The following SDK1 variants were observed in gnomAD, a reference collection of about 807,000 sequenced individuals.
The protein encoded by SDK1 is sidekick cell adhesion molecule 1.
In SDK1, 157 loss-of-function variants were observed where a neutral mutation model predicts 245.5. The ratio of observed to expected loss-of-function variants is 0.64; its 90% confidence interval spans 0.56 to 0.73. The LOEUF is 0.73. Ranked by LOEUF, SDK1 falls within the 30% of genes least tolerant of loss-of-function variation. SDK1 has a pLI of 0.00. For missense variants in SDK1, 3,583 were observed against 3,002.3 expected (o/e 1.19, Z -4.52); for synonymous variants, 1,647 against 1,278.5 (o/e 1.29, Z -6.15).
chr7:4,074,998 C>T (rs1028446509), intron 20 of SDK1, among the ~76,000 whole-genome samples: 9 of 149,508 alleles, frequency 6.0e-5, no homozygotes, highest in African/African-American at 1.7e-4. Flanking sequence ...CGGCCTTCTC[C>T]CCTCTCCCTG....
intron 4 of SDK1, among the ~76,000 whole-genome samples, chr7:3,665,466 G>C (rs1783495666): frequency 6.6e-6 from 1 of 151,882 alleles, no homozygotes; most frequent in Admixed American, 6.6e-5. Context: ...ATTGATTTTT[G>C]TTCACCTTTG....
At chr7:3,348,920 T>G (rs1780580626) in intron 1 of SDK1, among the ~76,000 whole-genome samples, 1 of 152,180 alleles carries the variant, frequency 6.6e-6, no homozygotes, top group African/African-American at 2.4e-5. Flanking sequence ...AAGCTGCCTG[T>G]CACATGAAAG....
intron 1 of SDK1, among the ~76,000 whole-genome samples, chr7:3,493,109 C>A (rs924346439): frequency 3.9e-5 from 6 of 152,076 alleles, no homozygotes; most frequent in Non-Finnish European, 7.4e-5. Context: ...CGCCACCAAG[C>A]CTGGCTAATT....
chr7:4,146,114 C>T (rs1296157028), intron 29 of SDK1, among the ~76,000 whole-genome samples, 198 bp downstream of exon 29: 4 of 143,222 alleles, frequency 2.8e-5, no homozygotes, highest in Non-Finnish European at 6.5e-5. Context: ...GCATTCACAC[C>T]TTCAGCCTCA....
chr7:3,362,382 C>T (rs887964772), intron 1 of SDK1, among the ~76,000 whole-genome samples: 4 of 151,980 alleles, frequency 2.6e-5, no homozygotes. Flanking sequence ...TTTTTGTTAT[C>T]GTGGTGATCT....
intron 40 of SDK1, 67 bp from the exon 41 acceptor site, chr7:4,233,188 G>A (rs988774027): frequency 3.3e-6 from 5 of 1,502,738 alleles, no homozygotes; most frequent in Non-Finnish European, 4.6e-6. Context: ...CCAGGCAGGT[G>A]CATGGGGCTC....
At chr7:3,718,367 T>C (rs1014828707) in intron 4 of SDK1, among the ~76,000 whole-genome samples, 1 of 151,306 alleles carries the variant, frequency 6.6e-6, no homozygotes, top group Non-Finnish European at 1.5e-5. Context: ...ATTGGCCAGC[T>C]GTGGTGCCAG....
rs1788369690 is a variant in SDK1, at chr7:4,265,035, A to C, written c.6382-89A>C. 4.6e-6 allele frequency: 7 copies of C among 1,526,746 alleles called. No homozygotes were observed. The South Asian group carries it at 7.3e-5, about 16-fold the overall frequency. 94.6% of individuals were successfully genotyped at this position (1,526,746 alleles called of 1,614,324 possible). On this transcript the variant is annotated intron_variant, in intron 44 of 44. Transcript: ENST00000404826. ...GAGACCGCGACACACGCCCCTGGGG[A>C]GGTGCCCCCACCGCCAGGCCTCCTG... is the stretch of plus-strand genomic sequence containing the variant.
intron 1 of SDK1, among the ~76,000 whole-genome samples, chr7:3,470,450 C>A (rs1330222984): frequency 1.3e-5 from 2 of 152,086 alleles, no homozygotes; most frequent in Non-Finnish European, 2.9e-5. Context: ...ATTTTTGATA[C>A]ACTATTTTGA....
intron 32 of SDK1, among the ~76,000 whole-genome samples, chr7:4,173,076 G>A (rs572205234): frequency 1.3e-5 from 2 of 152,362 alleles, no homozygotes; most frequent in East Asian, 1.9e-4. Flanking sequence ...TCCGCCCAGG[G>A]AGCAGGATGG....
At chr7:3,690,949 C>A (rs1015204665) in intron 4 of SDK1, among the ~76,000 whole-genome samples, 1 of 152,170 alleles carries the variant, frequency 6.6e-6, no homozygotes, top group African/African-American at 2.4e-5. Context: ...CTAATGTTTC[C>A]TTCCAGGACT....
intron 14 of SDK1, among the ~76,000 whole-genome samples, chr7:4,010,195 G>T (rs1461912278): frequency 4.6e-5 from 7 of 152,250 alleles, no homozygotes; most frequent in Non-Finnish European, 1.0e-4. Flanking sequence ...ACCGACAGCG[G>T]ATGCTGGAAG....
At chr7:3,958,693 C>T (rs987898325) in intron 7 of SDK1, among the ~76,000 whole-genome samples, 1 of 152,154 alleles carries the variant, frequency 6.6e-6, no homozygotes, top group African/African-American at 2.4e-5. Context: ...TTCCATGATT[C>T]AAGCCCATAA....
intron 40 of SDK1, among the ~76,000 whole-genome samples, chr7:4,230,298 A>G (rs922420732): frequency 6.7e-6 from 1 of 150,266 alleles, no homozygotes; most frequent in Non-Finnish European, 1.5e-5. Context: ...TGGATGGATG[A>G]ATGAATTGAT....
chr7:3,806,351 T>TGTCCACATTAGGATGTGGAC (rs1779245778), intron 4 of SDK1, among the ~76,000 whole-genome samples: 1 of 114,702 alleles, frequency 8.7e-6, no homozygotes, highest in African/African-American at 6.7e-5. Flanking sequence ...AGGATGTGGA[T>TGTCCACATTAGGATGTGGAC]GTCCACATTA....
At chr7:4,143,456 C>G (rs1779718519) in intron 28 of SDK1, among the ~76,000 whole-genome samples, 1 of 152,166 alleles carries the variant, frequency 6.6e-6, no homozygotes, top group African/African-American at 2.4e-5. Flanking sequence ...CAGAGCCCTC[C>G]TGGCACCCCG....
intron 17 of SDK1, among the ~76,000 whole-genome samples, chr7:4,046,215 T>C (rs1005524049): frequency 6.6e-6 from 1 of 152,140 alleles, no homozygotes; most frequent in East Asian, 1.9e-4. Flanking sequence ...GTTCTGGCAT[T>C]CCAGCCGTGA....
chr7:4,072,305 G>C (rs749522844), intron 20 of SDK1, among the ~76,000 whole-genome samples: 2 of 152,150 alleles, frequency 1.3e-5, no homozygotes, highest in Admixed American at 6.5e-5. Context: ...GGTTCCTCTC[G>C]GCAGCCACGT....
chr7:3,765,669 T>C (rs1780233096), intron 4 of SDK1, among the ~76,000 whole-genome samples: 1 of 152,250 alleles, frequency 6.6e-6, no homozygotes, highest in South Asian at 2.1e-4. Flanking sequence ...TTCATTATGC[T>C]TTCAGTGTAG....
Sources: gnomAD v4.1 joint callset for allele counts (sites outside exome capture counted in the v4.1 genomes callset) on GRCh38, gnomAD v4.1.1 for gene constraint, MANE v1.5 for transcripts, NCBI Gene and HGNC (gene_info 2026-07-23, HGNC 2026-07-21) for gene names.